The following ARFIP1 variants were observed in gnomAD, a reference collection of about 807,000 sequenced individuals.
ARFIP1 encodes the protein ARF interacting protein 1, also known as arfaptin-1.
In ARFIP1, 24 loss-of-function variants were observed where a neutral mutation model predicts 42.5. The observed-to-expected ratio is 0.57, with a 90% CI of 0.41 to 0.80. ARFIP1 has a LOEUF of 0.80. Among genes scored for constraint, ARFIP1 ranks in the 30% least tolerant of loss-of-function variants. The pLI, the probability that ARFIP1 is intolerant of heterozygous loss-of-function variation, is 0.00. For missense variants in ARFIP1, 354 were observed against 434.0 expected, an observed-to-expected ratio of 0.82 and a Z score of 1.64; for synonymous variants, 141 against 153.7, an observed-to-expected ratio of 0.92 and a Z score of 0.61.
chr4:152,903,860 C>T (rs1169718596), intron 8 of ARFIP1, among the ~76,000 whole-genome samples: 1 of 152,006 alleles, frequency 6.6e-6, no homozygotes, highest in Non-Finnish European at 1.5e-5. Flanking sequence ...GGGAAACAAA[C>T]TGACTTATAT....
intron 8 of ARFIP1, among the ~76,000 whole-genome samples, chr4:152,902,330 G>A (rs973567293): frequency 7.9e-5 from 12 of 152,034 alleles, no homozygotes; most frequent in South Asian, 2.1e-4. Flanking sequence ...AGAGAGACCC[G>A]GTCTCTACGG....
intron 2 of ARFIP1, among the ~76,000 whole-genome samples, chr4:152,845,077 A>G (rs960120616): frequency 6.6e-6 from 1 of 152,202 alleles, no homozygotes; most frequent in African/African-American, 2.4e-5. Context: ...CCATCTGATT[A>G]TTGACAAAGT....
At chr4:152,818,999 C>T (rs1314115181) in intron 1 of ARFIP1, among the ~76,000 whole-genome samples, 3 of 152,166 alleles carry the variant, frequency 2.0e-5, no homozygotes, top group Non-Finnish European at 4.4e-5. Context: ...AAAGGACTTG[C>T]CTGACCCAGC....
chr4:152,908,147 T>C (rs1016752735), intron 8 of ARFIP1, among the ~76,000 whole-genome samples: 4 of 152,256 alleles, frequency 2.6e-5, no homozygotes, highest in African/African-American at 9.6e-5. Context: ...TTTCCTCCTC[T>C]GTGAAATGTT....
At chr4:152,867,071 G>T (rs1432477174) in intron 3 of ARFIP1, among the ~76,000 whole-genome samples, 1 of 149,570 alleles carries the variant, frequency 6.7e-6, no homozygotes, top group African/African-American at 2.6e-5. Context: ...AGGCAGAGAC[G>T]CTCCTCACTT....
chr4:152,852,697 CT>C (rs1306138370), intron 2 of ARFIP1, among the ~76,000 whole-genome samples: 8 of 151,978 alleles, frequency 5.3e-5, no homozygotes, highest in African/African-American at 1.9e-4. Context: ...AACTGTGAGG[CT>C]ATATAATATT....
intron 8 of ARFIP1, among the ~76,000 whole-genome samples, chr4:152,898,233 C>T (rs907680788): frequency 1.3e-5 from 2 of 151,978 alleles, no homozygotes; most frequent in Non-Finnish European, 2.9e-5. Context: ...CCACCCGCCT[C>T]GCCCTCCCAA....
intron 1 of ARFIP1, among the ~76,000 whole-genome samples, chr4:152,816,281 T>G (rs557747415): frequency 6.6e-6 from 1 of 152,256 alleles, no homozygotes; most frequent in East Asian, 1.9e-4. Context: ...AAATCCAGAG[T>G]TCTCGTGATA....
At chr4:152,909,082 G>A (rs756237350) in intron 8 of ARFIP1, among the ~76,000 whole-genome samples, 105 of 152,252 alleles carry the variant, frequency 6.9e-4, no homozygotes, top group Non-Finnish European at 1.3e-3. Flanking sequence ...ACATTTTGCA[G>A]TTGTAAATAA....
At chr4:152,820,526 A>G (rs1198176016) in intron 1 of ARFIP1, among the ~76,000 whole-genome samples, 3 of 152,230 alleles carry the variant, frequency 2.0e-5, no homozygotes, top group African/African-American at 7.2e-5. Flanking sequence ...TTCAGGAAGC[A>G]TGGCTTGGGA....
intron 1 of ARFIP1, among the ~76,000 whole-genome samples, chr4:152,826,659 T>TGATC (rs768668681): frequency 9.2e-5 from 14 of 152,178 alleles, no homozygotes; most frequent in Non-Finnish European, 2.1e-4. Flanking sequence ...AATTACAGTA[T>TGATC]GATCTAGTAA....
intron 1 of ARFIP1, among the ~76,000 whole-genome samples, chr4:152,816,152 G>A (rs1729871995): frequency 6.6e-6 from 1 of 152,152 alleles, no homozygotes; most frequent in Admixed American, 6.5e-5. Context: ...TTCTGCCTGT[G>A]CATGATTATT....
At chr4:152,893,278 C>T (rs1377815771) in intron 8 of ARFIP1, among the ~76,000 whole-genome samples, 1 of 151,882 alleles carries the variant, frequency 6.6e-6, no homozygotes, top group Non-Finnish European at 1.5e-5. Context: ...CTGATTACCT[C>T]ACTCTTTGCT....
At chr4:152,832,209 A>G (rs1731304329) in intron 2 of ARFIP1, among the ~76,000 whole-genome samples, 1 of 152,230 alleles carries the variant, frequency 6.6e-6, no homozygotes, top group Non-Finnish European at 1.5e-5. Context: ...AACACCAGCA[A>G]TGAATGAGAG....
chr4:152,818,001 T>C (rs1448388815), intron 1 of ARFIP1, among the ~76,000 whole-genome samples: 3 of 152,192 alleles, frequency 2.0e-5, no homozygotes, highest in Non-Finnish European at 2.9e-5. Context: ...TGTGCACTGA[T>C]GGTGGAAATG....
At chr4:152,808,276 G>A (rs1173919374) in intron 1 of ARFIP1, among the ~76,000 whole-genome samples, 4 of 44,572 alleles carry the variant, frequency 9.0e-5, no homozygotes, top group Admixed American at 5.1e-4. Context: ...CACCACGCCT[G>A]GCCTCCATTT....
chr4:152,839,963 A>G (rs1316794794), intron 2 of ARFIP1, among the ~76,000 whole-genome samples: 2 of 152,124 alleles, frequency 1.3e-5, no homozygotes, highest in East Asian at 1.9e-4. Flanking sequence ...GCTGTTTCCC[A>G]GAGGTTTTGA....
intron 1 of ARFIP1, among the ~76,000 whole-genome samples, chr4:152,819,742 G>C (rs1730205726): frequency 6.6e-6 from 1 of 152,184 alleles, no homozygotes; most frequent in Non-Finnish European, 1.5e-5. Flanking sequence ...GTGCAGTTCT[G>C]GGCTTGGTAG....
intron 2 of ARFIP1, among the ~76,000 whole-genome samples, chr4:152,861,670 G>C (rs1561149678): frequency 6.6e-6 from 1 of 152,072 alleles, no homozygotes. Context: ...AATTGTTTAA[G>C]ATTAAATCTT....
Sources: gnomAD v4.1 joint callset for allele counts (sites outside exome capture counted in the v4.1 genomes callset) on GRCh38, gnomAD v4.1.1 for gene constraint, MANE v1.5 for transcripts, NCBI Gene and HGNC (gene_info 2026-07-23, HGNC 2026-07-21) for gene names.